SCARB1: variants seen among roughly 807,000 people sequenced by gnomAD.
SCARB1 encodes the protein CD36 and LIMPII analogous 1.
A neutral mutation model predicts 57.2 loss-of-function variants in SCARB1; 30 were observed. The ratio of observed to expected loss-of-function variants is 0.52; its 90% CI spans 0.39 to 0.71. The LOEUF (loss-of-function observed/expected upper bound fraction) is 0.71, where lower values mean the gene tolerates loss of function less well. SCARB1 is among the 30% of genes least tolerant of loss of function. The pLI is 0.00. For synonymous variants in SCARB1, 249 were observed against 268.3 expected, an observed-to-expected ratio of 0.93 and a Z score of 0.70; for missense variants, 543 against 671.2, an observed-to-expected ratio of 0.81 and a Z score of 2.11.
chr12:124,786,544 G>C lies in SCARB1; in HGVS notation c.1255-41C>G, dbSNP rs838897. On this transcript the variant is annotated intron_variant, in intron 10 of 12. Coordinates refer to ENST00000261693, the MANE Select transcript of SCARB1 (RefSeq NM_005505.5). The stretch of plus-strand genomic sequence containing the variant: ...GACAAACACATGAGCTGGGGCCGCA[G>C]GCTGCGGGCTACAGCGCAGATGCCA... The C allele has an allele frequency of 0.082, 132,038 of 1,610,992 alleles. 14,095 individuals carry two copies. The highest frequency in any genetic ancestry group is 0.44 in the East Asian group (19,917 of 44,814).
chr12:124,837,201 G>A lies in SCARB1; in HGVS notation c.127-19494C>T, dbSNP rs145092474. Among the ~76,000 whole-genome samples the A allele has an allele frequency of 2.0e-5, 3 of 152,262 alleles. No individual in the cohort carries two copies. In the East Asian group the frequency reaches 5.8e-4, roughly 29 times the overall value. ...ACAATTTCTACCAGGGCTGATCCCA[G>A]CCCCACTGTTTCCACACAAGTCAGA... On this transcript the variant is annotated intron_variant, in intron 1 of 12. Transcript: ENST00000261693.
intron 1 of SCARB1, among the ~76,000 whole-genome samples, chr12:124,838,664 A>G (rs147182818): frequency 0.016 from 2,413 of 152,120 alleles, 67 homozygotes; most frequent in African/African-American, 0.055. Context: ...CTACAAACCA[A>G]CAGCCCAACC....
intron 1 of SCARB1, among the ~76,000 whole-genome samples, chr12:124,837,233 A>C (rs536599384): frequency 6.6e-6 from 1 of 152,264 alleles, no homozygotes; most frequent in African/African-American, 2.4e-5. Flanking sequence ...CAGACAGTGA[A>C]TATGCCTTCT....
chr12:124,855,699 G>C (rs1387568638), intron 1 of SCARB1, among the ~76,000 whole-genome samples: 5 of 152,160 alleles, frequency 3.3e-5, no homozygotes, highest in East Asian at 1.9e-4. Context: ...GGCCTGGACC[G>C]AACTCTCCTC....
rs1452505456 is a variant in SCARB1 at position 124,800,937 on chromosome 12, A to G, written c.1010-695T>C. Among the ~76,000 whole-genome samples the G allele has an allele frequency of 8.5e-5, 13 of 152,344 alleles. No individual in the cohort carries two copies. In the East Asian group the frequency reaches 2.5e-3, roughly 29 times the overall value. ...CAAAAGCTCACGAGGGCCAGGCGCC[A>G]TGGCTTACACCTGTAATCCCAACAC... On this transcript the variant is annotated intron_variant, in intron 7 of 12. Transcript: ENST00000261693. This position sits in a 1 kb window ranked among gnomAD's most constrained non-coding sequence, Gnocchi z 4.8.
chr12:124,799,712 A>G (rs1950068723), intron 8 of SCARB1, among the ~76,000 whole-genome samples: 1 of 152,012 alleles, frequency 6.6e-6, no homozygotes, highest in Non-Finnish European at 1.5e-5. Context: ...GGAGGGCCAC[A>G]TGTCCAGCTC....
At chr12:124,803,711 AAAAATTG>A (rs1950220871) in intron 7 of SCARB1, among the ~76,000 whole-genome samples, 1 of 146,878 alleles carries the variant, frequency 6.8e-6, no homozygotes, top group Non-Finnish European at 1.5e-5. Context: ...AAAAAAAAAA[AAAAATTG>A]AAATAAGATA....
chr12:124,825,695 G>A (rs1015015388), intron 1 of SCARB1, among the ~76,000 whole-genome samples: 2 of 152,166 alleles, frequency 1.3e-5, no homozygotes, highest in African/African-American at 4.8e-5. Flanking sequence ...AGCCCAGCCA[G>A]GTTCTCAGTC....
At chr12:124,818,966 A>T (rs541043679) in intron 1 of SCARB1, among the ~76,000 whole-genome samples, 2 of 152,208 alleles carry the variant, frequency 1.3e-5, no homozygotes, top group East Asian at 1.9e-4. Flanking sequence ...ATAAAAAATA[A>T]TTTTTTAAAA....
intron 11 of SCARB1, 189 bp downstream of exon 11, chr12:124,786,168 G>A: frequency 6.4e-7 from 1 of 1,564,658 alleles, no homozygotes; most frequent in Non-Finnish European, 8.6e-7. Context: ...TGGCAACGCG[G>A]CATGCAAAAG....
At chr12:124,850,906 C>T (rs1263187491) in intron 1 of SCARB1, among the ~76,000 whole-genome samples, 1 of 152,196 alleles carries the variant, frequency 6.6e-6, no homozygotes, top group Non-Finnish European at 1.5e-5. Context: ...CCGACAACAG[C>T]CCCTCCTTTT....
intron 4 of SCARB1, among the ~76,000 whole-genome samples, chr12:124,813,510 C>G (rs1428904601): frequency 1.3e-5 from 2 of 152,308 alleles, no homozygotes; most frequent in East Asian, 1.9e-4. Flanking sequence ...TATATGCAGT[C>G]AAACGTAGAT....
Position 124,857,131 on chromosome 12 carries a change from G to A in SCARB1, c.126+6464C>T, listed in dbSNP as rs911570053. On this transcript the variant is annotated intron_variant, in intron 1 of 12. Transcript: ENST00000261693. ...ACGGAGAACCGGGAGGACGCAGTGC[G>A]CAGAGGCCACCGGGACCAGCTGTGG... is the stretch of plus-strand genomic sequence containing the variant. Among the ~76,000 whole-genome samples, 9 of 152,260 alleles carry A rather than the reference G, an allele frequency of 5.9e-5. No homozygotes were observed. The East Asian group carries it at 7.7e-4, about 13-fold the overall frequency.
At chr12:124,863,036 G>A (rs575607226) in intron 1 of SCARB1, among the ~76,000 whole-genome samples, 2 of 152,356 alleles carry the variant, frequency 1.3e-5, no homozygotes, top group South Asian at 4.1e-4. Flanking sequence ...CTGCCTCTGG[G>A]AGAGGGTTCC....
intron 1 of SCARB1, among the ~76,000 whole-genome samples, chr12:124,821,175 T>C (rs1594298801): frequency 6.6e-6 from 1 of 151,544 alleles, no homozygotes; most frequent in African/African-American, 2.4e-5. Context: ...GAAGCAGAGG[T>C]TGCAGCAATC....
chr12:124,797,533 G>C (rs946275402), intron 8 of SCARB1, among the ~76,000 whole-genome samples: 2 of 152,184 alleles, frequency 1.3e-5, no homozygotes, highest in Non-Finnish European at 2.9e-5. Context: ...GGTAGAATTG[G>C]ACGCAGCAGC....
intron 1 of SCARB1, chr12:124,839,186 C>A: frequency 2.2e-6 from 1 of 454,800 alleles, no homozygotes; most frequent in South Asian, 1.6e-5. Flanking sequence ...AAAAGTGAAA[C>A]CCTGTACCCA....
chr12:124,854,453 G>A (rs1185966008), intron 1 of SCARB1, among the ~76,000 whole-genome samples: 5 of 152,196 alleles, frequency 3.3e-5, no homozygotes, highest in African/African-American at 7.2e-5. Flanking sequence ...TTGAGGGGAG[G>A]AGGTGCTAAG....
intron 8 of SCARB1, 92 bp from the exon 9 acceptor site, chr12:124,795,360 G>T (rs752015118): frequency 9.5e-7 from 1 of 1,051,238 alleles, no homozygotes; most frequent in African/African-American, 1.6e-5. Context: ...CAAGAGGGTG[G>T]GCGTCCCAGC....
Sources: gnomAD v4.1 joint callset for allele counts (sites outside exome capture counted in the v4.1 genomes callset) on GRCh38, gnomAD v4.1.1 for gene constraint, Gnocchi (gnomAD v3.1) non-coding constraint, MANE v1.5 for transcripts, NCBI Gene and HGNC (gene_info 2026-07-23, HGNC 2026-07-21) for gene names.